Variants in EFCAB8 observed in about 807,000 individuals in gnomAD.
The protein encoded by EFCAB8 is EF-hand calcium-binding domain-containing protein 8.
In EFCAB8, 100 loss-of-function variants were observed where a neutral mutation model predicts 116.3. That is an observed-to-expected ratio of 0.86 (90% confidence interval 0.73 to 1.02). The LOEUF is 1.02. Ranked by LOEUF, EFCAB8 falls within the 50% of genes least tolerant of loss-of-function variation. The pLI is 0.00. For synonymous variants in EFCAB8, 558 were observed against 567.9 expected (o/e 0.98, Z 0.25); for missense variants, 1,320 against 1,416.9 (o/e 0.93, Z 1.10).
chr20:32,908,364 T>C lies in EFCAB8; in HGVS notation c.1398T>C (p.Ser466=). Residue 466 remains serine, a synonymous_variant, in exon 14 of 27, where the codon AGT becomes AGC. Transcript: ENST00000400522. ...FFALGNCPIT[S]AYFFEKDNTL... ...CTCTGGGAAACTGCCCCATCACCAG[T>C]GCCTACTTCTTCGAGAAGGACAATA... The C allele has an allele frequency of 5.6e-6, 7 of 1,249,958 alleles. No individual in the cohort carries two copies. The highest frequency in any genetic ancestry group is 7.1e-6 in the Non-Finnish European group (7 of 988,248). 77.4% of individuals were successfully genotyped at this position (1,249,958 alleles called of 1,614,324 possible).
intron 23 of EFCAB8, among the ~76,000 whole-genome samples, chr20:32,947,366 T>C (rs919791956): frequency 6.6e-6 from 1 of 152,240 alleles, no homozygotes. Context: ...ACAATTTTAC[T>C]TAATTAACAT....
At chr20:32,882,393 A>T (rs953964147) in intron 5 of EFCAB8, among the ~76,000 whole-genome samples, 2 of 152,246 alleles carry the variant, frequency 1.3e-5, no homozygotes, top group African/African-American at 4.8e-5. Flanking sequence ...GACAGAACCC[A>T]GCAGCACCTC....
intron 23 of EFCAB8, among the ~76,000 whole-genome samples, chr20:32,952,758 A>C (rs889996962): frequency 7.2e-5 from 11 of 152,164 alleles, no homozygotes; most frequent in African/African-American, 2.4e-4. Flanking sequence ...GATGAGCAGA[A>C]ATTTTTAATT....
intron 2 of EFCAB8, among the ~76,000 whole-genome samples, chr20:32,867,341 C>T (rs1021347043): frequency 2.9e-4 from 44 of 152,314 alleles, no homozygotes; most frequent in Middle Eastern, 3.4e-3. Flanking sequence ...CTCCCTGAGC[C>T]TCAGCTGTGG....
intron 13 of EFCAB8, among the ~76,000 whole-genome samples, chr20:32,907,750 G>A (rs559869796): frequency 6.6e-6 from 1 of 152,282 alleles, no homozygotes; most frequent in African/African-American, 2.4e-5. Flanking sequence ...GGACAGTCTC[G>A]CTGAGGTCCC....
intron 6 of EFCAB8, among the ~76,000 whole-genome samples, chr20:32,886,984 T>C (rs1241294897): frequency 6.6e-6 from 1 of 152,094 alleles, no homozygotes. Context: ...GTTACCAAGC[T>C]ACTGGTGTGT....
intron 20 of EFCAB8, among the ~76,000 whole-genome samples, chr20:32,925,389 T>C (rs1600434003): frequency 6.6e-6 from 1 of 152,204 alleles, no homozygotes; most frequent in Admixed American, 6.5e-5. Context: ...CTGGCTAATT[T>C]TGTGTTTTTA....
At chr20:32,914,968 C>T (rs778218748) in intron 17 of EFCAB8, among the ~76,000 whole-genome samples, 5 of 152,022 alleles carry the variant, frequency 3.3e-5, no homozygotes, top group East Asian at 3.9e-4. Context: ...ATGCGATTAT[C>T]GCTCACTGCA....
chr20:32,913,616 A>G (rs891325415), intron 17 of EFCAB8, among the ~76,000 whole-genome samples: 5 of 151,084 alleles, frequency 3.3e-5, no homozygotes, highest in East Asian at 3.8e-4. Flanking sequence ...AGTCCAAAAT[A>G]TCATCTAAAT....
intron 3 of EFCAB8, among the ~76,000 whole-genome samples, chr20:32,869,478 C>A (rs974632762): frequency 6.6e-6 from 1 of 152,116 alleles, no homozygotes; most frequent in Non-Finnish European, 1.5e-5. Flanking sequence ...TCAGGTGATC[C>A]GCCTGCCTTA....
rs1989085323 is a variant in EFCAB8, at chr20:32,959,843, T to A, written c.3155T>A (p.Leu1052His). ...QRREQAALMA[L>H]LHGKADKEAD... is the part of the protein sequence containing the mutation. ...CGAGAGCAGGCGGCGCTGATGGCTCTCCTGCATGGGAAGGCAGATAAGGAG... is the reference window on the plus strand; with the variant it reads ...CGAGAGCAGGCGGCGCTGATGGCTCACCTGCATGGGAAGGCAGATAAGGAG... The change falls in exon 25 of 27, where the codon CTC (leucine) becomes CAC (histidine). Residue 1052 changes from leucine to histidine, a missense_variant. By Grantham distance (99) the Leu-to-His change is moderately conservative (BLOSUM62 -3). Transcript: ENST00000400522. 1.3e-6 allele frequency: 2 copies of A among 1,547,812 alleles called. No individual in the cohort carries two copies. The highest frequency in any genetic ancestry group is 1.7e-6 in the Non-Finnish European group (2 of 1,144,642).
intron 7 of EFCAB8, among the ~76,000 whole-genome samples, chr20:32,891,390 G>A (rs559571403): frequency 2.0e-4 from 31 of 152,218 alleles, no homozygotes; most frequent in African/African-American, 7.0e-4. Flanking sequence ...GCAAATTTTT[G>A]TATTTTTAGT....
rs2146306850 is a variant in EFCAB8, at chr20:32,958,418, C to T, written c.2960-3C>T. 2.4e-6 allele frequency: 1 copy of T among 416,854 alleles called. No homozygotes were observed. Among genetic ancestry groups the T allele is most frequent in the East Asian group, 3.6e-5 (1 of 28,082 alleles). The allele number at this position is 416,854 out of a possible 1,614,324, so 25.8% of individuals were successfully genotyped here. A position where few individuals can be genotyped will look rare whatever the true frequency, so the allele number is the denominator to read the frequency against. On this transcript the variant is annotated splice_region_variant and splice_polypyrimidine_tract_variant and intron_variant, in intron 23 of 26. Coordinates refer to ENST00000400522, the MANE Select transcript of EFCAB8 (RefSeq NM_001143967.2). ...GGTTCTGAGCAGTCTGGTCAAATCA[C>T]AGGAACGTTTGGCCTGAGTGTGTGG...
intron 23 of EFCAB8, among the ~76,000 whole-genome samples, chr20:32,948,331 T>C (rs1988671040): frequency 6.6e-6 from 1 of 152,126 alleles, no homozygotes; most frequent in African/African-American, 2.4e-5. Flanking sequence ...AAATTTGTAG[T>C]TTAAAACTCT....
At chr20:32,890,286 C>T (rs898188039) in intron 7 of EFCAB8, among the ~76,000 whole-genome samples, 1 of 152,182 alleles carries the variant, frequency 6.6e-6, no homozygotes, top group Non-Finnish European at 1.5e-5. Flanking sequence ...TCCTGCCCCT[C>T]TCTCTGCCCC....
chr20:32,865,794 CAAAA>C (rs576681552), intron 2 of EFCAB8, among the ~76,000 whole-genome samples: 4 of 115,536 alleles, frequency 3.5e-5, no homozygotes, highest in Non-Finnish European at 5.5e-5. Context: ...GACTCTGTCT[CAAAA>C]AAAAAAAAAA....
chr20:32,915,262 T>C (rs1987133052), intron 17 of EFCAB8, among the ~76,000 whole-genome samples: 1 of 152,212 alleles, frequency 6.6e-6, no homozygotes, highest in African/African-American at 2.4e-5. Context: ...TTGCATTTTA[T>C]TATAAGTTGT....
chr20:32,920,299 C>T, intron 20 of EFCAB8, 84 bp downstream of exon 20: 1 of 1,497,416 alleles, frequency 6.7e-7, no homozygotes, highest in South Asian at 1.3e-5. Context: ...GCTCGGGGGC[C>T]TGGGCTCGGG....
chr20:32,885,178 C>A (rs979896449), intron 5 of EFCAB8, among the ~76,000 whole-genome samples: 3 of 152,224 alleles, frequency 2.0e-5, no homozygotes, highest in Admixed American at 2.0e-4. Context: ...TTGCGAACAA[C>A]CTCCGTTCTG....
Sources: gnomAD v4.1 joint callset for allele counts (sites outside exome capture counted in the v4.1 genomes callset) on GRCh38, gnomAD v4.1.1 for gene constraint, MANE v1.5 for transcripts, NCBI Gene and HGNC (gene_info 2026-07-23, HGNC 2026-07-21) for gene names.